The following ARHGAP12 variants were observed in gnomAD, a reference collection of about 807,000 sequenced individuals.
The protein encoded by ARHGAP12 is rho GTPase-activating protein 12.
In ARHGAP12, 64 loss-of-function variants were observed where a neutral mutation model predicts 108.6. That is an observed-to-expected ratio of 0.59 (90% CI 0.48 to 0.73). ARHGAP12 has a LOEUF of 0.73. ARHGAP12 is among the 30% of genes least tolerant of loss of function. ARHGAP12 has a pLI of 0.00. For synonymous variants in ARHGAP12, 312 were observed against 337.2 expected (o/e 0.93, Z 0.82); for missense variants, 940 against 1,005.9 (o/e 0.93, Z 0.89).
rs1033306623 is a variant in ARHGAP12 at position 31,805,529 on chromosome 10, T to C, written c.*2129A>G. ...CAGGAAAATATTACTAGCTTTGTTA[T>C]TACAAAACAAGTGAGAATTTTTAAT... On this transcript the variant is annotated 3_prime_UTR_variant, in exon 20 of 20. Transcript: ENST00000344936. 6.6e-5 allele frequency: 10 copies of C among 152,112 alleles called. No individual in the cohort carries two copies. The highest frequency in any genetic ancestry group is 1.3e-4 in the Non-Finnish European group (9 of 68,020). The allele number at this position is 152,112 out of a possible 1,614,324, so 9.4% of individuals were successfully genotyped here. A position where few individuals can be genotyped will look rare whatever the true frequency, so the allele number is the denominator to read the frequency against.
intron 3 of ARHGAP12, among the ~76,000 whole-genome samples, chr10:31,906,510 G>C (rs567530926): frequency 6.6e-6 from 1 of 152,304 alleles, no homozygotes; most frequent in East Asian, 1.9e-4. Flanking sequence ...CAAAGCTGAA[G>C]TCGTTTCCAT....
intron 1 of ARHGAP12, among the ~76,000 whole-genome samples, chr10:31,928,351 G>A (rs548584862): frequency 4.4e-4 from 67 of 150,628 alleles, no homozygotes; most frequent in African/African-American, 1.4e-3. Context: ...GGGGCGGGCG[G>A]GCGCTGCCCT....
intron 3 of ARHGAP12, among the ~76,000 whole-genome samples, chr10:31,899,825 G>A (rs1483629151): frequency 6.6e-6 from 1 of 152,132 alleles, no homozygotes; most frequent in East Asian, 1.9e-4. Context: ...TGAGTTTTTA[G>A]ATACAACAGT....
chr10:31,921,861 G>GA (rs1839829711), intron 1 of ARHGAP12, among the ~76,000 whole-genome samples: 1 of 150,136 alleles, frequency 6.7e-6, no homozygotes, highest in Admixed American at 6.6e-5. Context: ...AAATGTTAGA[G>GA]AAAAATCAAT....
At chr10:31,838,520 T>G (rs892174022) in intron 9 of ARHGAP12, among the ~76,000 whole-genome samples, 2 of 151,204 alleles carry the variant, frequency 1.3e-5, no homozygotes, top group Admixed American at 6.6e-5. Flanking sequence ...CTTATCTCCA[T>G]AAAAATTTTT....
intron 3 of ARHGAP12, among the ~76,000 whole-genome samples, chr10:31,885,166 C>T (rs11595082): frequency 0.24 from 36,056 of 152,048 alleles, 4,547 homozygotes; most frequent in Non-Finnish European, 0.29. Context: ...ATCAGTTTGT[C>T]ATTCTTTCAA....
At chr10:31,922,366 T>C (rs1490120380) in intron 1 of ARHGAP12, among the ~76,000 whole-genome samples, 2 of 151,378 alleles carry the variant, frequency 1.3e-5, no homozygotes, top group Non-Finnish European at 2.9e-5. Context: ...AACAACTTTA[T>C]GCCAACAAAC....
At chr10:31,831,670 A>C (rs968911475) in intron 10 of ARHGAP12, 69 bp downstream of exon 10, 66 of 1,077,386 alleles carry the variant, frequency 6.1e-5, no homozygotes, top group Non-Finnish European at 8.5e-5. Context: ...ATACTAAAAT[A>C]ATTATATTGA....
At chr10:31,807,871 G>T in intron 19 of ARHGAP12, 39 bp from the exon 20 acceptor site, 1 of 1,416,370 alleles carries the variant, frequency 7.1e-7, no homozygotes, top group South Asian at 1.6e-5. Context: ...GAGAAAATAA[G>T]AGAGAGGGAA....
chr10:31,831,651 C>G (rs897795746), intron 10 of ARHGAP12, 88 bp downstream of exon 10: 1 of 800,524 alleles, frequency 1.2e-6, no homozygotes, highest in East Asian at 3.0e-5. Context: ...TCTTCAGCAC[C>G]TATTGTTTAT....
intron 9 of ARHGAP12, among the ~76,000 whole-genome samples, chr10:31,838,700 G>A (rs1172575616): frequency 1.3e-5 from 2 of 151,648 alleles, no homozygotes; most frequent in Non-Finnish European, 2.9e-5. Context: ...GTGTTGTGGC[G>A]CATGCCTGTG....
At chr10:31,927,239 T>TACTGTGCCAGC (rs145613135) in intron 1 of ARHGAP12, among the ~76,000 whole-genome samples, 3 of 151,596 alleles carry the variant, frequency 2.0e-5, no homozygotes, top group African/African-American at 4.8e-5. Flanking sequence ...AAAATAAAAA[T>TACTGTGCCAGC]AGCCAAAATG....
Position 31,867,138 on chromosome 10 carries a change from G to A in ARHGAP12, c.685-5480C>T, listed in dbSNP as rs140091477. Among the ~76,000 whole-genome samples, 549 of 147,000 alleles carry A rather than the reference G, an allele frequency of 3.7e-3. 4 individuals carry two copies. The highest frequency in any genetic ancestry group is 0.013 in the African/African-American group (510 of 39,536). On this transcript the variant is annotated intron_variant, in intron 3 of 19. Transcript: ENST00000344936. ...TTTTTGTTTTTTTTTTTTTTGAGAC[G>A]GAGTCTTGCCCTGTCACCCAGGTTG... is the stretch of plus-strand genomic sequence containing the variant.
intron 6 of ARHGAP12, among the ~76,000 whole-genome samples, chr10:31,845,763 C>T (rs1171579242): frequency 4.0e-5 from 6 of 151,712 alleles, no homozygotes; most frequent in East Asian, 3.9e-4. Flanking sequence ...CCAGCTTGGG[C>T]GACAGAGTGA....
At chr10:31,918,315 TCACACACACACACACACACACACACACA>T (rs58245483) in intron 1 of ARHGAP12, among the ~76,000 whole-genome samples, 2 of 139,966 alleles carry the variant, frequency 1.4e-5, no homozygotes, top group East Asian at 2.2e-4. Context: ...ATTAGGGAAA[TCACACACACACACACACACACACACACA>T]CACACACACA....
At chr10:31,864,313 T>C (rs185200146) in intron 3 of ARHGAP12, among the ~76,000 whole-genome samples, 42 of 152,180 alleles carry the variant, frequency 2.8e-4, no homozygotes, top group African/African-American at 9.4e-4. Flanking sequence ...ATCTCATTCA[T>C]AATAGGAAAA....
At chr10:31,867,649 C>A (rs1431867990) in intron 3 of ARHGAP12, among the ~76,000 whole-genome samples, 3 of 151,924 alleles carry the variant, frequency 2.0e-5, no homozygotes, top group Admixed American at 6.6e-5. Context: ...ATCAGCAGAA[C>A]CTTTTTGGAA....
intron 10 of ARHGAP12, among the ~76,000 whole-genome samples, chr10:31,830,620 CA>C (rs1232622928): frequency 6.6e-6 from 1 of 151,784 alleles, no homozygotes; most frequent in Non-Finnish European, 1.5e-5. Context: ...TCCATGAAAG[CA>C]AACCCAAAAA....
chr10:31,830,725 C>A (rs1012187627), intron 10 of ARHGAP12, among the ~76,000 whole-genome samples: 2 of 151,884 alleles, frequency 1.3e-5, no homozygotes, highest in African/African-American at 4.8e-5. Context: ...ACACATTAAC[C>A]AAAAAATCCA....
Sources: gnomAD v4.1 joint callset for allele counts (sites outside exome capture counted in the v4.1 genomes callset) on GRCh38, gnomAD v4.1.1 for gene constraint, MANE v1.5 for transcripts, NCBI Gene and HGNC (gene_info 2026-07-23, HGNC 2026-07-21) for gene names.